The following TACR3 variants were observed in gnomAD, a reference collection of about 807,000 sequenced individuals.
TACR3 encodes tachykinin receptor 3, also known as neuromedin-K receptor.
Under a neutral mutation model 35.0 loss-of-function variants are expected in TACR3, and 34 were observed. That is an observed-to-expected ratio of 0.97 (90% CI 0.74 to 1.30). The LOEUF is 1.30. Ranked by LOEUF, TACR3 falls within the 50% of genes most tolerant of loss-of-function variation. The pLI, the probability that TACR3 is intolerant of heterozygous loss-of-function variation, is 0.00. For missense variants in TACR3, 558 were observed against 591.7 expected (o/e 0.94, Z 0.59); for synonymous variants, 233 against 221.1 (o/e 1.05, Z -0.48).
chr4:103,712,883 A>G (rs1384168702), intron 1 of TACR3, among the ~76,000 whole-genome samples: 2 of 152,248 alleles, frequency 1.3e-5, no homozygotes, highest in Non-Finnish European at 2.9e-5. Flanking sequence ...AATGCTCATC[A>G]TCACTGGCCA....
intron 3 of TACR3, among the ~76,000 whole-genome samples, chr4:103,602,079 T>G (rs1724218637): frequency 6.6e-6 from 1 of 152,176 alleles, no homozygotes; most frequent in African/African-American, 2.4e-5. Context: ...GAGGCTTTGT[T>G]CATTTCTTTT....
intron 3 of TACR3, among the ~76,000 whole-genome samples, chr4:103,598,222 C>T (rs1450553462): frequency 1.3e-5 from 2 of 152,178 alleles, no homozygotes; most frequent in African/African-American, 4.8e-5. Flanking sequence ...AGCATTTTTT[C>T]ATGTGTTTTT....
intron 3 of TACR3, among the ~76,000 whole-genome samples, chr4:103,607,235 T>C (rs957944698): frequency 2.6e-5 from 4 of 152,138 alleles, no homozygotes; most frequent in African/African-American, 7.2e-5. Context: ...TTTTTGTTTC[T>C]TTTAGTCCAT....
chr4:103,719,032 C>T (rs545485373), intron 1 of TACR3, 96 bp downstream of exon 1: 27 of 1,522,494 alleles, frequency 1.8e-5, no homozygotes, highest in Non-Finnish European at 2.4e-5. Context: ...CTTTTATAGA[C>T]CCCGTTACGT....
chr4:103,610,638 T>A (rs2110296994), intron 3 of TACR3, among the ~76,000 whole-genome samples: 1 of 152,274 alleles, frequency 6.6e-6, no homozygotes, highest in Middle Eastern at 3.4e-3. Flanking sequence ...TTTGTCATCA[T>A]CTTATTTGCC....
In TACR3 at chr4:103,597,468, A is replaced by G. The variant is rs1468431965; in HGVS notation, c.889-5785T>C. ...ATCCTTTTTTTTAAATTTTATTATT[A>G]TTATACTTTAAGTTTTAGGGTACAA... On this transcript the variant is annotated intron_variant, in intron 3 of 4. Transcript: ENST00000304883. 3.9e-5 allele frequency among the ~76,000 whole-genome samples: 6 copies of G among 152,048 alleles called. 1 individual carries two copies. The East Asian group carries it at 1.2e-3, about 29-fold the overall frequency.
intron 1 of TACR3, among the ~76,000 whole-genome samples, chr4:103,663,073 A>C (rs891236079): frequency 6.6e-6 from 1 of 152,222 alleles, no homozygotes; most frequent in African/African-American, 2.4e-5. Flanking sequence ...ATGAAGTTAT[A>C]GTACAGGTTG....
rs776166066 is a variant in TACR3, at chr4:103,658,229, G to A, written c.723C>T (p.Pro241=). 20 of 1,613,864 alleles carry A rather than the reference G, an allele frequency of 1.2e-5. No homozygotes were observed. The South Asian group carries it at 2.2e-4, about 18-fold the overall frequency. The change falls in exon 2 of 5, where the codon CCC becomes CCT. Residue 241 remains proline (P), a synonymous_variant. Transcript: ENST00000304883. The stretch of plus-strand genomic sequence containing the variant: ...AATTAACTTACGTGAAATGTTGTTT[G>A]GGACCTTCTGGCCATTGCACAAAGC... The part of the protein sequence containing the change: ...TLCFVQWPEG[P]KQHFTYHIIV...
chr4:103,614,884 GTTTTTTTTT>G (rs71580414), intron 3 of TACR3, among the ~76,000 whole-genome samples: 45 of 72,058 alleles, frequency 6.2e-4, no homozygotes, highest in Non-Finnish European at 7.0e-4. Flanking sequence ...TTATGAATGT[GTTTTTTTTT>G]TTTTTTTTTT....
At chr4:103,658,448 C>T (rs2110330724) in intron 1 of TACR3, 45 bp from the exon 2 acceptor site, 2 of 1,575,926 alleles carry the variant, frequency 1.3e-6, no homozygotes, top group South Asian at 2.2e-5. Flanking sequence ...TTCTTTATAA[C>T]AGAGTTTGAA....
chr4:103,688,062 G>C (rs569698850), intron 1 of TACR3, among the ~76,000 whole-genome samples: 1 of 152,206 alleles, frequency 6.6e-6, no homozygotes, highest in Admixed American at 6.5e-5. Flanking sequence ...ATAGATCAAT[G>C]GAACAGAACA....
chr4:103,586,246 T>A lies in TACR3; in HGVS notation c.*3436A>T, dbSNP rs1394096521. 3 of 151,704 alleles carry A rather than the reference T, an allele frequency of 2.0e-5. No individual in the cohort carries two copies. Among genetic ancestry groups the A allele is most frequent in the Non-Finnish European group, 4.4e-5 (3 of 67,940 alleles). 9.4% of individuals were successfully genotyped at this position (151,704 alleles called of 1,614,324 possible). A position where few individuals can be genotyped will look rare whatever the true frequency, so the allele number is the denominator to read the frequency against. ...ATATATATGTATGAAAACACAAAAC[T>A]AATGACCTTGTACAGCCCTTCTGAA... On this transcript the variant is annotated 3_prime_UTR_variant, in exon 5 of 5. Coordinates refer to ENST00000304883, the MANE Select transcript of TACR3 (RefSeq NM_001059.3).
chr4:103,605,697 T>G (rs1724339210), intron 3 of TACR3, among the ~76,000 whole-genome samples: 1 of 152,096 alleles, frequency 6.6e-6, no homozygotes, highest in African/African-American at 2.4e-5. Context: ...TAAATTTGTT[T>G]GAGTTCATTG....
At chr4:103,660,383 G>A (rs547864816) in intron 1 of TACR3, among the ~76,000 whole-genome samples, 1 of 152,140 alleles carries the variant, frequency 6.6e-6, no homozygotes, top group South Asian at 2.1e-4. Flanking sequence ...GATAATGATT[G>A]CTCAGGGCTC....
chr4:103,663,390 A>G (rs1725873819), intron 1 of TACR3, among the ~76,000 whole-genome samples: 1 of 152,154 alleles, frequency 6.6e-6, no homozygotes, highest in South Asian at 2.1e-4. Flanking sequence ...GCTACTCAAG[A>G]GGTTGAGGTA....
At chr4:103,670,603 C>G (rs1400937735) in intron 1 of TACR3, among the ~76,000 whole-genome samples, 2 of 151,742 alleles carry the variant, frequency 1.3e-5, no homozygotes, top group Non-Finnish European at 2.9e-5. Context: ...CTCTTGATTT[C>G]CTTTTCAGAT....
intron 3 of TACR3, among the ~76,000 whole-genome samples, chr4:103,593,695 C>T (rs1261504895): frequency 6.6e-6 from 1 of 152,096 alleles, no homozygotes; most frequent in Non-Finnish European, 1.5e-5. Flanking sequence ...CCATGATTCC[C>T]AGGGCTTAAG....
chr4:103,699,242 AATGAACAAC>A (rs1722594186), intron 1 of TACR3, among the ~76,000 whole-genome samples: 1 of 152,200 alleles, frequency 6.6e-6, no homozygotes, highest in Non-Finnish European at 1.5e-5. Context: ...CAGTATAGGG[AATGAACAAC>A]ATGGCTGTTT....
intron 3 of TACR3, among the ~76,000 whole-genome samples, chr4:103,592,176 C>T (rs1316310263): frequency 6.6e-6 from 1 of 152,156 alleles, no homozygotes; most frequent in African/African-American, 2.4e-5. Flanking sequence ...TCTTTAATAG[C>T]CTGCTCACTA....
Sources: allele counts gnomAD v4.1 joint callset (sites outside exome capture counted in the v4.1 genomes callset), GRCh38; gene constraint gnomAD v4.1.1; transcripts MANE v1.5; gene names NCBI Gene and HGNC (gene_info 2026-07-23, HGNC 2026-07-21).